The following DIAPH2 variants were observed in gnomAD, a reference collection of about 807,000 sequenced individuals.
The protein encoded by DIAPH2 is protein diaphanous homolog 2.
DIAPH2 carries 35 observed loss-of-function variants against 92.7 expected under a neutral mutation model. The observed-to-expected ratio is 0.38, with a 90% CI of 0.29 to 0.50. The LOEUF (loss-of-function observed/expected upper bound fraction) is 0.50. DIAPH2 is among the 20% of genes least tolerant of loss of function. The pLI is 0.94. For missense variants in DIAPH2, 701 were observed against 819.5 expected (o/e 0.86, Z 1.77); for synonymous variants, 301 against 280.4 (o/e 1.07, Z -0.73).
intron 26 of DIAPH2, among the ~76,000 whole-genome samples, chrX:97,565,780 G>T (rs1175266612): frequency 9.0e-6 from 1 of 111,672 alleles, no homozygotes. Flanking sequence ...TTACATTCAT[G>T]TCCACCTAAG....
intron 22 of DIAPH2, among the ~76,000 whole-genome samples, chrX:97,208,822 G>T (rs2067817531): frequency 9.0e-6 from 1 of 110,624 alleles, no homozygotes; most frequent in Non-Finnish European, 1.9e-5. Flanking sequence ...GCAACAAAAG[G>T]ATGTTTCTGA....
chrX:96,923,249 T>C (rs1382433356), intron 9 of DIAPH2, among the ~76,000 whole-genome samples: 3 of 112,017 alleles, frequency 2.7e-5, no homozygotes, highest in African/African-American at 9.7e-5. Flanking sequence ...TAGCATAATT[T>C]AATACATTTA....
intron 26 of DIAPH2, chrX:97,528,873 G>GA (rs1328394390): frequency 1.8e-5 from 2 of 111,194 alleles, no homozygotes; most frequent in East Asian, 5.7e-4. Context: ...AAGGTCAGGA[G>GA]ACCAGCTTGG....
At chrX:97,078,057 A>G (rs1000604311) in intron 19 of DIAPH2, among the ~76,000 whole-genome samples, 2 of 112,065 alleles carry the variant, frequency 1.8e-5, no homozygotes, top group East Asian at 5.6e-4. Flanking sequence ...AGTGCTTTTT[A>G]GGATATCAGT....
At chrX:97,445,608 T>G (rs905203190) in intron 26 of DIAPH2, among the ~76,000 whole-genome samples, 192 of 105,555 alleles carry the variant, frequency 1.8e-3, no homozygotes, top group African/African-American at 6.4e-3. Flanking sequence ...TTTTTGTTGT[T>G]TTTTTTTTTT....
At chrX:97,027,621 G>A (rs751896136) in intron 17 of DIAPH2, among the ~76,000 whole-genome samples, 4 of 112,278 alleles carry the variant, frequency 3.6e-5, no homozygotes, top group African/African-American at 1.3e-4. Flanking sequence ...CACAGAGGAG[G>A]CCTCCCAGGA....
At chrX:97,097,419 A>G in intron 19 of DIAPH2, among the ~76,000 whole-genome samples, 1 of 112,122 alleles carries the variant, frequency 8.9e-6, no homozygotes, top group Non-Finnish European at 1.9e-5. Context: ...CAGAGTCAGA[A>G]TACATCCAAG....
chrX:97,307,027 T>A (rs2068752695), intron 23 of DIAPH2, among the ~76,000 whole-genome samples: 1 of 111,831 alleles, frequency 8.9e-6, no homozygotes, highest in Non-Finnish European at 1.9e-5. Flanking sequence ...GACAGAAATG[T>A]CTATTGAGAC....
chrX:97,396,200 T>C (rs1215372231), intron 25 of DIAPH2, among the ~76,000 whole-genome samples: 1 of 112,187 alleles, frequency 8.9e-6, no homozygotes, highest in African/African-American at 3.2e-5. Context: ...TTAATTTTGC[T>C]CTGTTCTCAG....
chrX:96,716,741 G>T (rs1801024609), intron 1 of DIAPH2, among the ~76,000 whole-genome samples: 1 of 111,650 alleles, frequency 9.0e-6, no homozygotes, highest in Non-Finnish European at 1.9e-5. Flanking sequence ...AAGCCATAGT[G>T]TTGGGTCTTC....
intron 23 of DIAPH2, among the ~76,000 whole-genome samples, chrX:97,300,963 A>AAAG (rs1428181854): frequency 3.1e-4 from 10 of 32,157 alleles, no homozygotes; most frequent in African/African-American, 8.1e-4. Flanking sequence ...AAAAAAAAAA[A>AAAG]AAGAAGAAGA....
intron 15 of DIAPH2, chrX:96,953,661 T>C (rs765756553): frequency 6.2e-5 from 7 of 112,254 alleles, no homozygotes; most frequent in Non-Finnish European, 1.3e-4. Flanking sequence ...TGGAGAATGA[T>C]CCATAATTGC....
At chrX:97,454,819 C>T (rs2070389865) in intron 26 of DIAPH2, among the ~76,000 whole-genome samples, 1 of 107,222 alleles carries the variant, frequency 9.3e-6, no homozygotes, top group Non-Finnish European at 1.9e-5. Context: ...TGCACCACTG[C>T]ACTCCAGCCT....
chrX:97,030,083 CAG>C (rs1365742493), intron 17 of DIAPH2, among the ~76,000 whole-genome samples: 2 of 111,476 alleles, frequency 1.8e-5, no homozygotes, highest in East Asian at 5.6e-4. Context: ...AAAATATTCA[CAG>C]AGTCACAAAT....
intron 26 of DIAPH2, among the ~76,000 whole-genome samples, chrX:97,557,502 G>T (rs1490955449): frequency 8.9e-6 from 1 of 112,007 alleles, no homozygotes; most frequent in Non-Finnish European, 1.9e-5. Flanking sequence ...TCGTGCCACT[G>T]CACTCCAGTC....
chrX:96,868,292 G>T (rs920584709), intron 4 of DIAPH2, among the ~76,000 whole-genome samples: 1 of 112,000 alleles, frequency 8.9e-6, no homozygotes, highest in Non-Finnish European at 1.9e-5. Context: ...GCAGGACTTG[G>T]TTATAAGGTA....
intron 16 of DIAPH2, among the ~76,000 whole-genome samples, chrX:96,962,843 C>A (rs933525949): frequency 1.6e-4 from 17 of 109,598 alleles, no homozygotes; most frequent in Non-Finnish European, 3.0e-4. Flanking sequence ...TTTTTTCTTT[C>A]TTTGTTATTG....
chrX:97,427,339 C>G (rs746590325), intron 25 of DIAPH2, among the ~76,000 whole-genome samples: 229 of 111,613 alleles, frequency 2.1e-3, no homozygotes, highest in African/African-American at 6.9e-3. Context: ...GAATTTTCAT[C>G]TTTCATCATC....
At chrX:97,059,326 A>G (rs2066580543) in intron 17 of DIAPH2, among the ~76,000 whole-genome samples, 1 of 111,760 alleles carries the variant, frequency 8.9e-6, no homozygotes, top group African/African-American at 3.3e-5. Flanking sequence ...ACTCACTTAT[A>G]CCTATTACAT....
Sources: gnomAD v4.1 joint callset for allele counts (sites outside exome capture counted in the v4.1 genomes callset) on GRCh38, gnomAD v4.1.1 for gene constraint, MANE v1.5 for transcripts, NCBI Gene and HGNC (gene_info 2026-07-23, HGNC 2026-07-21) for gene names.